The following EPB41L2 variants were observed in gnomAD, a reference collection of about 807,000 sequenced individuals.
EPB41L2 encodes the protein erythrocyte membrane protein band 4.1 like 2.
EPB41L2 carries 43 observed loss-of-function variants against 113.0 expected under a neutral mutation model. The observed-to-expected ratio is 0.38, with a 90% CI of 0.30 to 0.49. The LOEUF is 0.49. Ranked by LOEUF, EPB41L2 falls within the 20% of genes least tolerant of loss-of-function variation. EPB41L2 has a pLI of 0.95. For missense variants in EPB41L2, 1,147 were observed against 1,223.4 expected, an observed-to-expected ratio of 0.94 and a Z score of 0.93; for synonymous variants, 442 against 436.7, an observed-to-expected ratio of 1.01 and a Z score of -0.15.
At chr6:130,925,696 G>C (rs963479022) in intron 4 of EPB41L2, among the ~76,000 whole-genome samples, 1 of 152,080 alleles carries the variant, frequency 6.6e-6, no homozygotes, top group Non-Finnish European at 1.5e-5. Flanking sequence ...AAACAGAAGA[G>C]CACATAATTG....
chr6:130,914,166 A>T (rs1800247189), intron 4 of EPB41L2, among the ~76,000 whole-genome samples: 1 of 152,220 alleles, frequency 6.6e-6, no homozygotes, highest in Non-Finnish European at 1.5e-5. Context: ...CTCATAGGGT[A>T]GTTCTTTTCA....
At chr6:130,924,799 C>T (rs751720098) in intron 4 of EPB41L2, among the ~76,000 whole-genome samples, 1 of 152,218 alleles carries the variant, frequency 6.6e-6, no homozygotes, top group Non-Finnish European at 1.5e-5. Flanking sequence ...CTTGCCAACA[C>T]TTGCTATTTT....
At position 130,920,058 on chromosome 6, in the gene EPB41L2, T is replaced by A. The variant is rs1187701088; in HGVS notation, c.810+6547A>T. Among the ~76,000 whole-genome samples, 3 of 152,204 alleles carry A rather than the reference T, an allele frequency of 2.0e-5. No individual in the cohort carries two copies. The South Asian group carries it at 6.2e-4, about 31-fold the overall frequency. On this transcript the variant is annotated intron_variant, in intron 4 of 19. Coordinates refer to ENST00000337057, the MANE Select transcript of EPB41L2 (RefSeq NM_001431.4). ...ACATAACATCTTTATTCAAGACTAA[T>A]CCTCTTCATGACTTTCATCATCATA...
At chr6:130,857,286 TTTTG>T (rs530363553) in intron 19 of EPB41L2, among the ~76,000 whole-genome samples, 3 of 152,304 alleles carry the variant, frequency 2.0e-5, no homozygotes, top group Admixed American at 1.3e-4. Context: ...GCTGCACATT[TTTTG>T]TTTATTGATC....
chr6:131,017,655 G>A (rs1788535712), intron 1 of EPB41L2, among the ~76,000 whole-genome samples: 1 of 152,124 alleles, frequency 6.6e-6, no homozygotes, highest in Non-Finnish European at 1.5e-5. Flanking sequence ...CATGCCTTCT[G>A]AGTTTCCCTT....
chr6:131,006,039 T>C (rs1056025223), intron 1 of EPB41L2, among the ~76,000 whole-genome samples: 1 of 152,034 alleles, frequency 6.6e-6, no homozygotes, highest in Non-Finnish European at 1.5e-5. Flanking sequence ...TCCTTCTTGT[T>C]GTGTGTTAGG....
At chr6:131,020,073 C>G (rs1789098940) in intron 1 of EPB41L2, among the ~76,000 whole-genome samples, 1 of 151,988 alleles carries the variant, frequency 6.6e-6, no homozygotes, top group Non-Finnish European at 1.5e-5. Flanking sequence ...CTGGTATTTT[C>G]AAAAGTATTA....
intron 19 of EPB41L2, among the ~76,000 whole-genome samples, chr6:130,848,304 C>T (rs1438451144): frequency 1.3e-5 from 2 of 151,506 alleles, no homozygotes; most frequent in African/African-American, 4.9e-5. Flanking sequence ...ATCCCTCCTA[C>T]CCTCCACAGA....
intron 18 of EPB41L2, among the ~76,000 whole-genome samples, chr6:130,862,280 G>C (rs1314399574): frequency 1.4e-5 from 2 of 146,878 alleles, no homozygotes; most frequent in Non-Finnish European, 3.0e-5. Context: ...AGTGTGTAAA[G>C]GGCCTAGGTT....
intron 3 of EPB41L2, among the ~76,000 whole-genome samples, chr6:130,939,643 C>T (rs770933509): frequency 8.5e-5 from 13 of 152,112 alleles, no homozygotes; most frequent in South Asian, 2.1e-4. Flanking sequence ...CAAAATAAAA[C>T]GGATTATCTA....
Position 130,867,461 on chromosome 6 carries a change from G to A in EPB41L2, c.2728C>T (p.Gln910Ter), listed in dbSNP as rs1042625111. ...GTCCAAGTCTAGAGCTTTTGTACCT[G>A]TGGAGACTCATATGTGATGGTTTTG... is the stretch of plus-strand genomic sequence containing the variant. ...ETKTITYESP[Q>*]IDGGAGGDSG... Residue 910 changes from glutamine (Q) to a stop codon, truncating the protein, a stop_gained and splice_region_variant, in exon 16 of 20, where the codon CAG becomes TAG. Transcript: ENST00000337057. LOFTEE classifies it high-confidence loss of function. The A allele has an allele frequency of 1.2e-6, 2 of 1,613,952 alleles. No individual in the cohort carries two copies. The highest frequency in any genetic ancestry group is 8.5e-7 in the Non-Finnish European group (1 of 1,179,862).
At chr6:131,004,825 T>C (rs1486223610) in intron 1 of EPB41L2, among the ~76,000 whole-genome samples, 1 of 152,154 alleles carries the variant, frequency 6.6e-6, no homozygotes, top group Non-Finnish European at 1.5e-5. Flanking sequence ...TCCCTTCCTT[T>C]TTAGTAGCCA....
At chr6:131,053,884 T>C (rs1324583330) in intron 1 of EPB41L2, among the ~76,000 whole-genome samples, 1 of 152,270 alleles carries the variant, frequency 6.6e-6, no homozygotes, top group Non-Finnish European at 1.5e-5. Context: ...TGTGCAGCCC[T>C]TAATTGCCAG....
chr6:130,915,280 G>C (rs1489403878), intron 4 of EPB41L2, among the ~76,000 whole-genome samples: 1 of 152,180 alleles, frequency 6.6e-6, no homozygotes, highest in Non-Finnish European at 1.5e-5. Flanking sequence ...TCCAGCCTGG[G>C]CGACAGAGCG....
intron 1 of EPB41L2, among the ~76,000 whole-genome samples, chr6:130,990,865 C>A (rs146034418): frequency 6.7e-6 from 1 of 150,036 alleles, no homozygotes; most frequent in Admixed American, 6.6e-5. Context: ...CTCGCTCTGC[C>A]GCCCAGGCTG....
intron 1 of EPB41L2, among the ~76,000 whole-genome samples, chr6:130,962,700 C>G (rs188763419): frequency 6.6e-6 from 1 of 152,308 alleles, no homozygotes. Context: ...TTCCCTAGTT[C>G]AAGTCTAGAT....
At chr6:130,993,615 G>T (rs6906396) in intron 1 of EPB41L2, among the ~76,000 whole-genome samples, 7,451 of 152,220 alleles carry the variant, frequency 0.049, 318 homozygotes, top group African/African-American at 0.11. Context: ...CCTCCCTCTC[G>T]ATCTTCAGGG....
chr6:130,917,458 A>C, intron 4 of EPB41L2, among the ~76,000 whole-genome samples: 1 of 152,104 alleles, frequency 6.6e-6, no homozygotes. Context: ...ATCCTCCACC[A>C]TCCCCCAAGT....
At chr6:130,975,356 A>G (rs1038641554) in intron 1 of EPB41L2, among the ~76,000 whole-genome samples, 27 of 152,252 alleles carry the variant, frequency 1.8e-4, no homozygotes, top group Admixed American at 1.8e-3. Flanking sequence ...CACTTTCCCT[A>G]CATTTGTGTA....
Sources: allele counts gnomAD v4.1 joint callset (sites outside exome capture counted in the v4.1 genomes callset), GRCh38; gene constraint gnomAD v4.1.1; transcripts MANE v1.5; gene names NCBI Gene and HGNC (gene_info 2026-07-23, HGNC 2026-07-21).